The following KDM6B variants were observed in gnomAD, a reference collection of about 807,000 sequenced individuals.
KDM6B encodes lysine-specific demethylase 6B.
KDM6B carries 22 observed loss-of-function variants against 150.4 expected under a neutral mutation model. The ratio of observed to expected loss-of-function variants is 0.15; its 90% CI spans 0.10 to 0.21. The LOEUF (loss-of-function observed/expected upper bound fraction) is 0.21, where lower values mean the gene tolerates loss of function less well. Among genes scored for constraint, KDM6B ranks in the 10% least tolerant of loss-of-function variants. The pLI is 1.00. For missense variants in KDM6B, 1,984 were observed against 2,234.3 expected, an observed-to-expected ratio of 0.89 and a Z score of 2.26; for synonymous variants, 1,148 against 921.1, an observed-to-expected ratio of 1.25 and a Z score of -4.46.
chr17:7,851,627 C>A, intron 17 of KDM6B, 21 bp from the exon 18 acceptor site: 2 of 1,599,276 alleles, frequency 1.3e-6, no homozygotes, highest in East Asian at 2.2e-5. Flanking sequence ...TGTAGCCTCT[C>A]GTCGCACTTC....
rs1251199751 is a variant in KDM6B, at chr17:7,851,394, G to C, written c.3944G>C (p.Ser1315Thr). The change falls in exon 16 of 24, where the codon AGC becomes ACC. Residue 1315 changes from serine to threonine, a missense_variant and splice_region_variant. By Grantham distance (58) the Ser-to-Thr change is moderately conservative (BLOSUM62 1). Transcript: ENST00000448097. ...EPDSTTGTPPSSAPDPKNHHI... is the reference protein window; with the variant it reads ...EPDSTTGTPPTSAPDPKNHHI... The stretch of plus-strand genomic sequence containing the variant: ...GACAGCACCACTGGAACCCCTCCTA[G>C]GTACTGTGCAGGTGTGCCCCTTCTG... The C allele has an allele frequency of 6.2e-7, 1 of 1,614,056 alleles. No homozygotes were observed. The highest frequency in any genetic ancestry group is 1.3e-5 in the African/African-American group (1 of 74,912).
Position 7,847,388 on chromosome 17 carries a change from C to CCAG in KDM6B, c.1203_1205dup (p.Ser406dup). ...CCCCCTGGCCTCCCCGGCACCACCA[C>CCAG]CAGCAGCAGCAGTAGCAGCAGCAGC... On this transcript the variant is annotated inframe_insertion, in exon 11 of 24. Transcript: ENST00000448097. The CCAG allele has an allele frequency of 6.2e-7, 1 of 1,613,478 alleles. No homozygotes were observed. The highest frequency in any genetic ancestry group is 1.1e-5 in the South Asian group (1 of 91,082).
At position 7,853,539 on chromosome 17, in the gene KDM6B, G is replaced by A. The variant is rs1292548641; in HGVS notation, c.*18G>A. 2 of 1,435,564 alleles carry A rather than the reference G, an allele frequency of 1.4e-6. No homozygotes were observed. Among genetic ancestry groups the A allele is most frequent in the East Asian group, 3.1e-5 (1 of 32,578 alleles). The allele number at this position is 1,435,564 out of a possible 1,614,324, so 88.9% of individuals were successfully genotyped here. On this transcript the variant is annotated 3_prime_UTR_variant, in exon 24 of 24. Transcript: ENST00000448097. ...CGCGATGAGGCCGGACGCCCCGCCC[G>A]CCTGCCTGCCCGCGCAAGGCGCCGC... is the stretch of plus-strand genomic sequence containing the variant.
At chr17:7,841,177 ATACT>A (rs1355182892) in intron 2 of KDM6B, among the ~76,000 whole-genome samples, 2 of 152,338 alleles carry the variant, frequency 1.3e-5, no homozygotes, top group African/African-American at 4.8e-5. Context: ...TGCTTGTAAA[ATACT>A]TAATACAGTG....
In KDM6B at chr17:7,848,007, A is replaced by G; in HGVS notation, c.1719A>G (p.Pro573=). 1 of 1,527,704 alleles carries G rather than the reference A, an allele frequency of 6.5e-7. No individual in the cohort carries two copies. The highest frequency in any genetic ancestry group is 1.1e-5 in the South Asian group (1 of 88,954). The allele number at this position is 1,527,704 out of a possible 1,614,324, so 94.6% of individuals were successfully genotyped here. Reference sequence around the variant, plus strand: ...CTGCTGGGCCTGTGTCCTTTCCCCCACCACCCTATCTGGCCAGAAGTATAG... The same window carrying G: ...CTGCTGGGCCTGTGTCCTTTCCCCCGCCACCCTATCTGGCCAGAAGTATAG... ...SSPAGPVSFP[P]PPYLARSIDP... is the part of the protein sequence containing the mutation. The change falls in exon 12 of 24, where the codon CCA becomes CCG. Residue 573 remains proline, a synonymous_variant. Coordinates refer to ENST00000448097, the MANE Select transcript of KDM6B (RefSeq NM_001348716.2).
chr17:7,837,199 C>T lies in KDM6B; in HGVS notation c.-387-2707C>T, dbSNP rs557551685. Among the ~76,000 whole-genome samples the T allele has an allele frequency of 2.9e-4, 44 of 152,308 alleles. 1 individual carries two copies. In the South Asian group the frequency reaches 8.9e-3, roughly 31 times the overall value. On this transcript the variant is annotated intron_variant, in intron 1 of 23. Coordinates refer to ENST00000448097, the MANE Select transcript of KDM6B (RefSeq NM_001348716.2). The stretch of plus-strand genomic sequence containing the variant: ...CCTAGCCGTCATTTTACTTTCCCAC[C>T]TGCTGCATGGCCAAGTGTCCTATTG...
Position 7,848,164 on chromosome 17 carries a change from G to A in KDM6B, c.1876G>A (p.Glu626Lys). Residue 626 changes from glutamate (E) to lysine (K), a missense_variant, in exon 12 of 24, where the codon GAG becomes AAG. Around this residue, in one of 13 missense-constraint regions of KDM6B, gnomAD observed 1,379 missense variants for 1,275.6 expected, o/e 1.08. Coordinates refer to ENST00000448097, the MANE Select transcript of KDM6B (RefSeq NM_001348716.2). ...TACCTCAGGAAGCTTCAGGCGCCCG[G>A]AGAGCCCCCGGCCCAGGGTCTCCTT... ...QNTSGSFRRP[E>K]SPRPRVSFPK... 6.2e-7 allele frequency: 1 copy of A among 1,612,624 alleles called. No individual in the cohort carries two copies.
chr17:7,841,598 C>T (rs2078414838), intron 2 of KDM6B, among the ~76,000 whole-genome samples: 1 of 152,186 alleles, frequency 6.6e-6, no homozygotes, highest in Non-Finnish European at 1.5e-5. Flanking sequence ...AGGAACGCGT[C>T]AGACACAGGC....
rs1310408689 is a variant in KDM6B at position 7,854,141 on chromosome 17, C to G, written c.*620C>G. 1 of 152,536 alleles carries G rather than the reference C, an allele frequency of 6.6e-6. No individual in the cohort carries two copies. Among genetic ancestry groups the G allele is most frequent in the African/African-American group, 2.4e-5 (1 of 41,448 alleles). 9.4% of individuals were successfully genotyped at this position (152,536 alleles called of 1,614,324 possible). On this transcript the variant is annotated 3_prime_UTR_variant, in exon 24 of 24. Coordinates refer to ENST00000448097, the MANE Select transcript of KDM6B (RefSeq NM_001348716.2). The stretch of plus-strand genomic sequence containing the variant: ...TGGGAAAACCCGACCTCCCACACCC[C>G]CAAGCCATCCTGCCCGCCCCTCCAG...
rs748523974 is a variant in KDM6B at position 7,848,741 on chromosome 17, A to T, written c.2453A>T (p.Tyr818Phe). The T allele has an allele frequency of 3.7e-6, 6 of 1,612,824 alleles. No individual in the cohort carries two copies. Among genetic ancestry groups the T allele is most frequent in the Non-Finnish European group, 5.1e-6 (6 of 1,179,964 alleles). ...GTGCTGGAGGGACAAAAGTACTGTTATCGGGGGACTGGAGCAGCTGTTTCC... is the reference window on the plus strand; with the variant it reads ...GTGCTGGAGGGACAAAAGTACTGTTTTCGGGGGACTGGAGCAGCTGTTTCC... ...ASVLEGQKYC[Y>F]RGTGAAVSTR... Residue 818 changes from tyrosine (Y) to phenylalanine (F), a missense_variant, in exon 12 of 24, where the codon TAT (tyrosine) becomes TTT (phenylalanine). Around this residue, in one of 13 missense-constraint regions of KDM6B, gnomAD observed 1,379 missense variants for 1,275.6 expected, o/e 1.08. Transcript: ENST00000448097.
At chr17:7,846,323 C>T (rs760187122) in intron 7 of KDM6B, 26 bp downstream of exon 7, 28 of 1,597,370 alleles carry the variant, frequency 1.8e-5, no homozygotes, top group Middle Eastern at 1.7e-4. Context: ...GCGTGGGGGA[C>T]GGGATTGTAC....
intron 20 of KDM6B, 21 bp downstream of exon 20, chr17:7,852,357 T>G (rs768168446): frequency 2.5e-6 from 4 of 1,598,658 alleles, no homozygotes; most frequent in South Asian, 1.1e-5. Context: ...GGGGCAGGTG[T>G]TGGCGTGGTG....
In KDM6B at chr17:7,847,208, G is replaced by GCCCCCCCCC; in HGVS notation, c.1018_1019insCCCCCCCCC (p.Pro339_Arg340insProProPro). 2 of 1,597,816 alleles carry GCCCCCCCCC rather than the reference G, an allele frequency of 1.3e-6. No homozygotes were observed. Among genetic ancestry groups the GCCCCCCCCC allele is most frequent in the Non-Finnish European group, 1.7e-6 (2 of 1,174,792 alleles). ...GTCCCGGCTGCTCCCCCAGGCCCAGGCCCCCGCCCCCCAGGAGCAGAGAGC... is the reference window on the plus strand; with the variant it reads ...GTCCCGGCTGCTCCCCCAGGCCCAGGCCCCCCCCCCCCCCGCCCCCCAGGAGCAGAGAGC... On this transcript the variant is annotated inframe_insertion, in exon 11 of 24. Transcript: ENST00000448097.
chr17:7,841,586 A>C (rs1221887776), intron 2 of KDM6B, among the ~76,000 whole-genome samples: 1 of 152,196 alleles, frequency 6.6e-6, no homozygotes, highest in African/African-American at 2.4e-5. Context: ...AGGGATAATG[A>C]CAGGAACGCG....
intron 21 of KDM6B, 138 bp from the exon 22 acceptor site, chr17:7,852,862 A>G: frequency 7.6e-7 from 1 of 1,319,026 alleles, no homozygotes; most frequent in South Asian, 1.2e-5. Context: ...TGCCCAGGAC[A>G]GAGGATGTGA....
chr17:7,841,923 C>T (rs1428189661), intron 2 of KDM6B, among the ~76,000 whole-genome samples: 1 of 152,216 alleles, frequency 6.6e-6, no homozygotes, highest in Non-Finnish European at 1.5e-5. Context: ...AAGAAGCGAG[C>T]GTGTAACCCC....
chr17:7,851,630 C>T lies in KDM6B; in HGVS notation c.4017-18C>T, dbSNP rs1213952232. On this transcript the variant is annotated intron_variant, in intron 17 of 23. Coordinates refer to ENST00000448097, the MANE Select transcript of KDM6B (RefSeq NM_001348716.2). The stretch of plus-strand genomic sequence containing the variant: ...GCGGGGGCGGGGTGTAGCCTCTCGT[C>T]GCACTTCCGCACCGCAGGTGGAAGC... The T allele has an allele frequency of 2.5e-6, 4 of 1,596,760 alleles. No homozygotes were observed. Among genetic ancestry groups the T allele is most frequent in the Non-Finnish European group, 3.4e-6 (4 of 1,171,420 alleles).
intron 1 of KDM6B, among the ~76,000 whole-genome samples, chr17:7,837,766 A>AT (rs1255214418): frequency 6.6e-6 from 1 of 152,212 alleles, no homozygotes; most frequent in Non-Finnish European, 1.5e-5. Flanking sequence ...TGAACACAGA[A>AT]TGAGTGCTTG....
chr17:7,845,037 T>G lies in KDM6B; in HGVS notation c.-149+17T>G. On this transcript the variant is annotated intron_variant, in intron 3 of 23. Transcript: ENST00000448097. Reference sequence around the variant, plus strand: ...GGAGGCCGGGTAAGCGGCCGCTGCGTTTTGGGTCGGCCCAGTGGCTCCGGA... The same window carrying G: ...GGAGGCCGGGTAAGCGGCCGCTGCGGTTTGGGTCGGCCCAGTGGCTCCGGA... 2 of 196,716 alleles carry G rather than the reference T, an allele frequency of 1.0e-5. No individual in the cohort carries two copies. Among genetic ancestry groups the G allele is most frequent in the Non-Finnish European group, 1.1e-5 (1 of 92,186 alleles). 12.2% of individuals were successfully genotyped at this position (196,716 alleles called of 1,614,324 possible).
Sources: allele counts gnomAD v4.1 joint callset (sites outside exome capture counted in the v4.1 genomes callset), GRCh38; gene constraint gnomAD v4.1.1; regional missense constraint gnomAD v4.1.1; transcripts MANE v1.5; gene names NCBI Gene and HGNC (gene_info 2026-07-23, HGNC 2026-07-21).